QTGAL: variants seen among roughly 807,000 people sequenced by gnomAD.
QTGAL encodes queuosine-tRNA galactosyltransferase.
the QTGAL span, among the ~76,000 whole-genome samples, chr17:82,970,583 GCGACC>G: frequency 3.0e-5 from 4 of 132,222 alleles, 1 homozygote; most frequent in South Asian, 9.4e-4. Flanking sequence ...CGGCGTGGCC[GCGACC>G]TCCGCACCCG....
the QTGAL span, among the ~76,000 whole-genome samples, chr17:83,002,516 G>T: frequency 6.6e-6 from 1 of 152,122 alleles, no homozygotes; most frequent in South Asian, 2.1e-4. Flanking sequence ...ACGCGCCCTC[G>T]GCCGCTAGCT....
chr17:83,034,988 C>A, the QTGAL span: 1 of 1,411,812 alleles, frequency 7.1e-7, no homozygotes, highest in Non-Finnish European at 9.8e-7. Flanking sequence ...AATTATTCAA[C>A]CAACATGTAC....
chr17:82,961,210 C>T, the QTGAL span: 1 of 1,597,098 alleles, frequency 6.3e-7, no homozygotes, highest in Non-Finnish European at 8.5e-7. Context: ...AGAGGCATCA[C>T]TGGGGCCCCA....
the QTGAL span, among the ~76,000 whole-genome samples, chr17:83,027,780 G>A: frequency 1.3e-4 from 19 of 147,452 alleles, no homozygotes; most frequent in Non-Finnish European, 1.8e-4. Flanking sequence ...CAAAGGACTT[G>A]TATCTAGAAT....
the QTGAL span, among the ~76,000 whole-genome samples, chr17:83,024,885 G>A: frequency 5.9e-5 from 9 of 152,236 alleles, no homozygotes; most frequent in Non-Finnish European, 7.4e-5. Flanking sequence ...CAGACACATC[G>A]GCCGGCACAG....
chr17:83,015,982 G>C, the QTGAL span, among the ~76,000 whole-genome samples: 1 of 152,188 alleles, frequency 6.6e-6, no homozygotes, highest in African/African-American at 2.4e-5. The surrounding 1 kb of genome is among the most constrained non-coding windows in gnomAD (Gnocchi z 4.4). Context: ...TAACCTTGAA[G>C]ATCAGAAGAG....
At chr17:83,001,554 A>C in the QTGAL span, among the ~76,000 whole-genome samples, 1 of 142,980 alleles carries the variant, frequency 7.0e-6, no homozygotes, top group Non-Finnish European at 1.5e-5. Flanking sequence ...ATTTACGTAA[A>C]ATTCCAGCAA....
At chr17:82,957,700 T>C in the QTGAL span, among the ~76,000 whole-genome samples, 1 of 152,118 alleles carries the variant, frequency 6.6e-6, no homozygotes, top group African/African-American at 2.4e-5. Flanking sequence ...ATCCACCCCT[T>C]CCATTAGACC....
the QTGAL span, among the ~76,000 whole-genome samples, chr17:83,048,273 C>T: frequency 1.3e-5 from 2 of 152,348 alleles, no homozygotes; most frequent in South Asian, 2.1e-4. Flanking sequence ...AAGGATCCGC[C>T]TGCCTTGGCC....
At chr17:82,952,090 G>C in the QTGAL span, among the ~76,000 whole-genome samples, 38 of 152,358 alleles carry the variant, frequency 2.5e-4, no homozygotes, top group Admixed American at 1.9e-3. Context: ...AATAAAATGA[G>C]GTGCGCCAGT....
the QTGAL span, among the ~76,000 whole-genome samples, chr17:83,020,795 C>T: frequency 6.6e-6 from 1 of 152,216 alleles, no homozygotes; most frequent in Non-Finnish European, 1.5e-5. Flanking sequence ...ACACGGGGTT[C>T]AGGGATCTGT....
the QTGAL span, among the ~76,000 whole-genome samples, chr17:83,038,418 A>C: frequency 6.6e-6 from 1 of 152,234 alleles, no homozygotes; most frequent in Admixed American, 6.5e-5. Flanking sequence ...GAGCTAATCT[A>C]TAAAAAGTAC....
chr17:82,969,986 TAA>T, the QTGAL span, among the ~76,000 whole-genome samples: 1 of 149,472 alleles, frequency 6.7e-6, no homozygotes, highest in Non-Finnish European at 1.5e-5. Flanking sequence ...GGCCAAAAAT[TAA>T]AAAAAAAAGT....
chr17:83,017,662 C>A, the QTGAL span, among the ~76,000 whole-genome samples: 2 of 152,202 alleles, frequency 1.3e-5, no homozygotes, highest in African/African-American at 2.4e-5. Context: ...GGAATGTTCC[C>A]AACACAAATG....
chr17:82,988,763 A>C, the QTGAL span, among the ~76,000 whole-genome samples: 1 of 151,114 alleles, frequency 6.6e-6, no homozygotes, highest in African/African-American at 2.4e-5. Flanking sequence ...GCTCAACATC[A>C]CTGATCATCA....
the QTGAL span, among the ~76,000 whole-genome samples, chr17:82,972,391 C>CT: frequency 3.1e-5 from 4 of 129,788 alleles, no homozygotes; most frequent in African/African-American, 6.7e-5. Flanking sequence ...CCACACCACA[C>CT]CACAGGGGCT....
chr17:82,974,687 C>T, the QTGAL span, among the ~76,000 whole-genome samples: 1 of 152,192 alleles, frequency 6.6e-6, no homozygotes, highest in African/African-American at 2.4e-5. Flanking sequence ...TCCCTGGCCC[C>T]ACATCAAGGC....
the QTGAL span, among the ~76,000 whole-genome samples, chr17:83,050,875 G>A: frequency 1.3e-5 from 2 of 151,064 alleles, no homozygotes; most frequent in African/African-American, 2.4e-5. Context: ...GGCAGGTATG[G>A]GGCACGGGCA....
At chr17:83,012,847 T>C in the QTGAL span, among the ~76,000 whole-genome samples, 1 of 151,962 alleles carries the variant, frequency 6.6e-6, no homozygotes, top group South Asian at 2.1e-4. Context: ...CACTCTCTGT[T>C]TCCACATGAC....
Sources: allele counts gnomAD v4.1 joint callset (sites outside exome capture counted in the v4.1 genomes callset), GRCh38; gene constraint gnomAD v4.1.1; non-coding constraint Gnocchi (gnomAD v3.1); transcripts MANE v1.5; gene names NCBI Gene and HGNC (gene_info 2026-07-23, HGNC 2026-07-21).